Variants in SHC2 observed in about 807,000 individuals in gnomAD.
The protein encoded by SHC2 is SHC-transforming protein 2.
In SHC2, 62 loss-of-function variants were observed where a neutral mutation model predicts 60.6. The observed-to-expected ratio is 1.02, with a 90% CI of 0.83 to 1.26. The LOEUF is 1.26. SHC2 is among the 50% of genes most tolerant of loss of function. SHC2 has a pLI of 0.00. For synonymous variants in SHC2, 375 were observed against 372.4 expected (o/e 1.01, Z -0.08); for missense variants, 873 against 822.2 (o/e 1.06, Z -0.76).
At position 460,669 on chromosome 19, in the gene SHC2, C is replaced by CCCGCGACCCCCGCG; in HGVS notation, c.327_328insCGCGGGGGTCGCGG (p.Gly110ArgfsTer74). On this transcript the variant is annotated frameshift_variant, in exon 1 of 13. Transcript: ENST00000264554. LOFTEE classifies it high-confidence loss of function. ...TCCCCGGACCCCGCCGCCCCCCGCCCGCCCCGCGACCCCCGCGACCCCGCG... is the reference window on the plus strand; with the variant it reads ...TCCCCGGACCCCGCCGCCCCCCGCCCCCGCGACCCCCGCGGCCCCGCGACCCCCGCGACCCCGCG... 3.7e-6 allele frequency: 4 copies of CCCGCGACCCCCGCG among 1,092,372 alleles called. No individual in the cohort carries two copies. The South Asian group carries it at 1.6e-4, about 43-fold the overall frequency. 67.7% of individuals were successfully genotyped at this position (1,092,372 alleles called of 1,614,324 possible).
At chr19:430,870 C>G (rs1974569948) in intron 8 of SHC2, 123 bp from the exon 9 acceptor site, 1 of 836,936 alleles carries the variant, frequency 1.2e-6, no homozygotes, top group East Asian at 2.7e-5. Context: ...GAGCACAGCC[C>G]TGGCCCTCCC....
rs577909384 is a variant in SHC2 at position 445,060 on chromosome 19, C to T, written c.469-4128G>A. Among the ~76,000 whole-genome samples the T allele has an allele frequency of 5.5e-4, 84 of 152,366 alleles. 1 individual carries two copies. Among genetic ancestry groups the T allele is most frequent in the African/African-American group, 1.9e-3 (77 of 41,588 alleles). The stretch of plus-strand genomic sequence containing the variant: ...GGACCTCAGCTCACTGCATGTCCCA[C>T]GCTCCACGGCGCCCAGTGCTGCCGG... On this transcript the variant is annotated intron_variant, in intron 1 of 12. Transcript: ENST00000264554. This position sits in a 1 kb window ranked among gnomAD's most constrained non-coding sequence, Gnocchi z 4.4.
intron 7 of SHC2, 175 bp downstream of exon 7, chr19:435,990 C>T (rs898988827): frequency 1.8e-5 from 12 of 662,734 alleles, no homozygotes; most frequent in South Asian, 1.6e-4. Flanking sequence ...TGCGTTTACT[C>T]GGGTGTTAAC....
At chr19:429,778 C>T (rs570872369) in intron 9 of SHC2, among the ~76,000 whole-genome samples, 18 of 149,744 alleles carry the variant, frequency 1.2e-4, no homozygotes, top group Non-Finnish European at 2.2e-4. Flanking sequence ...GTGGATGACG[C>T]AGTACCTATA....
chr19:431,434 G>A, intron 8 of SHC2, among the ~76,000 whole-genome samples: 1 of 98,210 alleles, frequency 1.0e-5, no homozygotes, highest in Non-Finnish European at 2.0e-5. Context: ...GAGGAGGCCG[G>A]GCAGATGGCG....
At chr19:427,775 C>T (rs1420997413) in intron 9 of SHC2, among the ~76,000 whole-genome samples, 3 of 77,454 alleles carry the variant, frequency 3.9e-5, no homozygotes, top group African/African-American at 5.7e-5. Context: ...GCGCACGGCA[C>T]AGGTAAGGGG....
At position 438,868 on chromosome 19, in the gene SHC2, G is replaced by A. The variant is rs113879435; in HGVS notation, c.601-31C>T. ...TTGGGGGCGGAGCACAGCGAGGGCG[G>A]CTGTGGGTGGGGGCTGTCGAGGGGC... is the stretch of plus-strand genomic sequence containing the variant. On this transcript the variant is annotated intron_variant, in intron 3 of 12. Coordinates refer to ENST00000264554, the MANE Select transcript of SHC2 (RefSeq NM_012435.3). The surrounding 1 kb of genome is among the most constrained non-coding windows in gnomAD (Gnocchi z 5.0). 244,979 of 1,555,510 alleles carry A rather than the reference G, an allele frequency of 0.16. 20,254 individuals are homozygous for A. The highest frequency in any genetic ancestry group is 0.23 in the Middle Eastern group (1,343 of 5,956).
chr19:422,704 T>A lies in SHC2; in HGVS notation c.1310-248A>T. 1 of 432,674 alleles carries A rather than the reference T, an allele frequency of 2.3e-6. No homozygotes were observed. The highest frequency in any genetic ancestry group is 3.6e-5 in the East Asian group (1 of 27,870). 26.8% of individuals were successfully genotyped at this position (432,674 alleles called of 1,614,324 possible). A position where few individuals can be genotyped will look rare whatever the true frequency, so the allele number is the denominator to read the frequency against. ...GCACGTACTAAGCATGTACAAAGGG[T>A]AACAGCAGCTCTTTCTTTCAGAGGT... On this transcript the variant is annotated intron_variant, in intron 10 of 12. Transcript: ENST00000264554. This position sits in a 1 kb window ranked among gnomAD's most constrained non-coding sequence, Gnocchi z 5.0.
chr19:454,098 C>T (rs1975271389), intron 1 of SHC2, among the ~76,000 whole-genome samples: 1 of 152,224 alleles, frequency 6.6e-6, no homozygotes, highest in East Asian at 1.9e-4. Flanking sequence ...TCAAGATTCA[C>T]CCAGACCGAG....
Position 422,495 on chromosome 19 carries a change from C to G in SHC2, c.1310-39G>C. ...ACAGGAGTGCTGGGCAGGCAGGGGG[C>G]AAGCAGCTACTCCTGCCGGGACCAG... On this transcript the variant is annotated intron_variant, in intron 10 of 12. Transcript: ENST00000264554. This position sits in a 1 kb window ranked among gnomAD's most constrained non-coding sequence, Gnocchi z 5.0. 6.9e-7 allele frequency: 1 copy of G among 1,446,346 alleles called. No individual in the cohort carries two copies. Among genetic ancestry groups the G allele is most frequent in the Non-Finnish European group, 9.2e-7 (1 of 1,086,162 alleles). The allele number at this position is 1,446,346 out of a possible 1,614,324, so 89.6% of individuals were successfully genotyped here. A position where few individuals can be genotyped will look rare whatever the true frequency, so the allele number is the denominator to read the frequency against.
At chr19:447,295 G>A (rs992264963) in intron 1 of SHC2, among the ~76,000 whole-genome samples, 6 of 152,048 alleles carry the variant, frequency 3.9e-5, no homozygotes, top group Non-Finnish European at 8.8e-5. Flanking sequence ...CGTGGGCGCC[G>A]GGGATGGGGA....
At chr19:417,668 G>GA (rs1974184204) in intron 12 of SHC2, among the ~76,000 whole-genome samples, 2 of 152,256 alleles carry the variant, frequency 1.3e-5, no homozygotes, top group African/African-American at 4.8e-5. Context: ...TATTTCTGGG[G>GA]TCACCAACGC....
chr19:431,368 G>C, intron 8 of SHC2, among the ~76,000 whole-genome samples: 1 of 138,360 alleles, frequency 7.2e-6, no homozygotes, highest in Non-Finnish European at 1.5e-5. Context: ...GAGAGATAGA[G>C]GAGGCCAGGC....
At chr19:418,190 C>T (rs1214045772) in intron 12 of SHC2, among the ~76,000 whole-genome samples, 2 of 152,188 alleles carry the variant, frequency 1.3e-5, no homozygotes, top group Admixed American at 6.5e-5. Flanking sequence ...GGTCTTCTCA[C>T]TGCCTGGGCT....
chr19:460,688 C>A lies in SHC2; in HGVS notation c.309G>T (p.Gly103=). The part of the protein sequence containing the change: ...LPALSRCRGA[G]SRGSRGGRGA... ...CCCGCCCGCCCCGCGACCCCCGCGA[C>A]CCCGCGCCCCGACAGCGGCTGAGCG... is the stretch of plus-strand genomic sequence containing the variant. The change falls in exon 1 of 13, where the codon GGG becomes GGT. Residue 103 remains glycine, a synonymous_variant. Transcript: ENST00000264554. 1 of 1,035,556 alleles carries A rather than the reference C, an allele frequency of 9.7e-7. No individual in the cohort carries two copies. Among genetic ancestry groups the A allele is most frequent in the Non-Finnish European group, 1.2e-6 (1 of 867,338 alleles). 64.1% of individuals were successfully genotyped at this position (1,035,556 alleles called of 1,614,324 possible).
Position 444,846 on chromosome 19 carries a change from T to C in SHC2, c.469-3914A>G, listed in dbSNP as rs527505685. Among the ~76,000 whole-genome samples the C allele has an allele frequency of 1.1e-4, 16 of 152,368 alleles. No individual in the cohort carries two copies. In the East Asian group the frequency reaches 2.9e-3, roughly 28 times the overall value. ...GTGAGGCTCTGCTGTGGACACACTG[T>C]GCACGTGGTCTGTTAATCCACTCCA... is the stretch of plus-strand genomic sequence containing the variant. On this transcript the variant is annotated intron_variant, in intron 1 of 12. Transcript: ENST00000264554.
rs751577396 is a variant in SHC2, at chr19:440,952, GTC to G, written c.469-22_469-21del. 6.2e-7 allele frequency: 1 copy of G among 1,608,268 alleles called. No homozygotes were observed. The highest frequency in any genetic ancestry group is 8.5e-7 in the Non-Finnish European group (1 of 1,175,702). ...CATGTACTGAGGGGAGAGAACAGGT[GTC>G]AGATGCCATCGGAACCCCCGCAGTG... On this transcript the variant is annotated intron_variant, in intron 1 of 12. Transcript: ENST00000264554. This position sits in a 1 kb window ranked among gnomAD's most constrained non-coding sequence, Gnocchi z 7.0.
intron 4 of SHC2, among the ~76,000 whole-genome samples, chr19:437,215 G>C (rs1336722906): frequency 1.3e-5 from 2 of 149,486 alleles, no homozygotes; most frequent in African/African-American, 5.1e-5. Flanking sequence ...CGTTTGCGTG[G>C]TCATCTGCGT....
chr19:425,745 G>A lies in SHC2; in HGVS notation c.1175-514C>T, dbSNP rs922306275. ...TTTTGAACGTGTAAAGTGTTTACAT[G>A]GGGCCGGGCGTGGTGGCTCACGCCT... On this transcript the variant is annotated intron_variant, in intron 9 of 12. Coordinates refer to ENST00000264554, the MANE Select transcript of SHC2 (RefSeq NM_012435.3). The surrounding 1 kb of genome is among the most constrained non-coding windows in gnomAD (Gnocchi z 4.1). Among the ~76,000 whole-genome samples the A allele has an allele frequency of 1.3e-5, 2 of 152,022 alleles. No individual in the cohort carries two copies. The highest frequency in any genetic ancestry group is 4.8e-5 in the African/African-American group (2 of 41,368).
Sources: allele counts gnomAD v4.1 joint callset (sites outside exome capture counted in the v4.1 genomes callset), GRCh38; gene constraint gnomAD v4.1.1; non-coding constraint Gnocchi (gnomAD v3.1); transcripts MANE v1.5; gene names NCBI Gene and HGNC (gene_info 2026-07-23, HGNC 2026-07-21).